Variants in SEMA5B observed in about 807,000 individuals in gnomAD.
SEMA5B encodes semaphorin-5B.
A neutral mutation model predicts 135.0 loss-of-function variants in SEMA5B; 66 were observed. The observed-to-expected ratio is 0.49, with a 90% CI of 0.40 to 0.60. SEMA5B has a LOEUF of 0.60. Among genes scored for constraint, SEMA5B ranks in the 20% least tolerant of loss-of-function variants. SEMA5B has a pLI of 0.00. For synonymous variants in SEMA5B, 690 were observed against 639.5 expected (o/e 1.08, Z -1.19); for missense variants, 1,501 against 1,566.3 (o/e 0.96, Z 0.70).
chr3:122,910,269 G>C lies in SEMA5B; in HGVS notation c.3330C>G (p.Asp1110Glu), dbSNP rs772175495. ...GCTGCAATGGGTAGAAGTTGGCTCT[G>C]TCATCAGGGATCAAGTTATTCTTGT... is the stretch of plus-strand genomic sequence containing the variant. ...TLNKNNLIPD[D>E]RANFYPLQQT... is the part of the protein sequence containing the mutation. The change falls in exon 23 of 23, where the codon GAC (aspartate) becomes GAG (glutamate). Residue 1110 changes from aspartate (D) to glutamate (E), a missense_variant. Asp to Glu is a conservative substitution (Grantham distance 45). Around this residue, in one of 2 missense-constraint regions of SEMA5B, gnomAD observed 927 missense variants for 881.6 expected, o/e 1.05. Coordinates refer to ENST00000357599, the MANE Select transcript of SEMA5B (RefSeq NM_001031702.4). The C allele has an allele frequency of 3.1e-6, 5 of 1,614,104 alleles. No homozygotes were observed. The African/African-American group carries it at 6.7e-5, about 22-fold the overall frequency.
chr3:122,928,298 T>C (rs912435358), intron 7 of SEMA5B, among the ~76,000 whole-genome samples: 4 of 152,178 alleles, frequency 2.6e-5, no homozygotes, highest in African/African-American at 9.7e-5. Flanking sequence ...AGGGAGTAAA[T>C]TTTTAGTATA....
intron 2 of SEMA5B, among the ~76,000 whole-genome samples, chr3:122,956,711 T>A (rs1239227045): frequency 2.0e-5 from 3 of 151,496 alleles, no homozygotes; most frequent in Non-Finnish European, 2.9e-5. Context: ...CACCCCGGGG[T>A]GGGTAGCAGC....
rs1031854863 is a variant in SEMA5B, at chr3:122,943,034, C to T, written c.428+402G>A. 5.3e-5 allele frequency among the ~76,000 whole-genome samples: 8 copies of T among 152,196 alleles called. No individual in the cohort carries two copies. In the East Asian group the frequency reaches 9.6e-4, roughly 18 times the overall value. On this transcript the variant is annotated intron_variant, in intron 4 of 22. Coordinates refer to ENST00000357599, the MANE Select transcript of SEMA5B (RefSeq NM_001031702.4). ...GGGAAAGGTTCTACCCCTACCCAGC[C>T]GTCCCAGGTGCAGGCCGCCGGCTGG...
intron 5 of SEMA5B, among the ~76,000 whole-genome samples, chr3:122,933,618 A>T (rs971163783): frequency 6.6e-6 from 1 of 152,028 alleles, no homozygotes; most frequent in African/African-American, 2.4e-5. Context: ...ACGTTAGTTC[A>T]TCCTTAATTT....
intron 1 of SEMA5B, among the ~76,000 whole-genome samples, chr3:123,012,058 G>T (rs1346500584): frequency 6.6e-6 from 1 of 152,166 alleles, no homozygotes. Flanking sequence ...GCACACTTTG[G>T]CTTCGCCGTG....
rs749040476 is a variant in SEMA5B, at chr3:122,911,505, G to T, written c.3077C>A (p.Ala1026Asp). The part of the protein sequence containing the change: ...VILPASSMEE[A>D]TDCAGFNLIH... ...GTTTCTTTTACCTGCACAGTCGGTG[G>T]CCTCCTCCATGCTGGAGGCTGGCAG... is the stretch of plus-strand genomic sequence containing the variant. Residue 1026 changes from alanine (A) to aspartate (D), a missense_variant, in exon 21 of 23, where the codon GCC becomes GAC. Physicochemically the swap from Ala to Asp is moderately radical, Grantham distance 126 (BLOSUM62 -2). Around this residue, in one of 2 missense-constraint regions of SEMA5B, gnomAD observed 927 missense variants for 881.6 expected, o/e 1.05. Transcript: ENST00000357599. 2.2e-5 allele frequency: 36 copies of T among 1,610,062 alleles called. No individual in the cohort carries two copies. The highest frequency in any genetic ancestry group is 3.0e-5 in the Non-Finnish European group (35 of 1,178,870).
intron 1 of SEMA5B, chr3:123,027,246 A>AC (rs1167076713): frequency 6.6e-6 from 1 of 152,258 alleles, no homozygotes; most frequent in Admixed American, 6.5e-5. Flanking sequence ...GGCGGCGGGA[A>AC]CGCAGCAGCG....
chr3:122,975,546 G>C (rs1247481905), intron 1 of SEMA5B, among the ~76,000 whole-genome samples: 1 of 152,168 alleles, frequency 6.6e-6, no homozygotes, highest in Non-Finnish European at 1.5e-5. Flanking sequence ...TCTCTCAACC[G>C]TAAAACCACA....
In SEMA5B at chr3:122,943,418, C is replaced by A; in HGVS notation, c.428+18G>T. 1 of 1,558,724 alleles carries A rather than the reference C, an allele frequency of 6.4e-7. No individual in the cohort carries two copies. Among genetic ancestry groups the A allele is most frequent in the East Asian group, 2.3e-5 (1 of 43,938 alleles). ...AAGCCCCTGCACTTCCCACCCCGAC[C>A]CTTCTGCCCCTTGTTACCTGGCTCC... On this transcript the variant is annotated intron_variant, in intron 4 of 22. Transcript: ENST00000357599.
At chr3:122,919,930 C>T (rs562244157) in intron 12 of SEMA5B, among the ~76,000 whole-genome samples, 3 of 152,186 alleles carry the variant, frequency 2.0e-5, no homozygotes, top group African/African-American at 7.2e-5. Flanking sequence ...CCCCTCTCTG[C>T]AGAATGTGAG....
At chr3:122,916,899 T>C (rs1938101296) in intron 12 of SEMA5B, among the ~76,000 whole-genome samples, 3 of 152,202 alleles carry the variant, frequency 2.0e-5, no homozygotes, top group Admixed American at 6.6e-5. Context: ...CCCAAAATGA[T>C]AACTGGTTCA....
intron 1 of SEMA5B, among the ~76,000 whole-genome samples, chr3:123,017,053 G>A (rs557004172): frequency 1.3e-5 from 2 of 151,934 alleles, no homozygotes; most frequent in East Asian, 1.9e-4. Flanking sequence ...CACCACGCCC[G>A]GCTAATTTTT....
At chr3:122,949,283 C>A (rs943412133) in intron 2 of SEMA5B, among the ~76,000 whole-genome samples, 4 of 152,148 alleles carry the variant, frequency 2.6e-5, no homozygotes, top group African/African-American at 9.7e-5. Context: ...TCCCCAAAAA[C>A]AACATCAATC....
Position 122,913,352 on chromosome 3 carries a change from C to T in SEMA5B, c.2353G>A (p.Val785Met), listed in dbSNP as rs760581669. The T allele has an allele frequency of 5.7e-6, 9 of 1,580,980 alleles. No homozygotes were observed. The Admixed American group carries it at 1.0e-4, about 18-fold the overall frequency. The change falls in exon 17 of 23, where the codon GTG becomes ATG. Residue 785 changes from valine (V) to methionine (M), a missense_variant. Around this residue, in one of 2 missense-constraint regions of SEMA5B, gnomAD observed 927 missense variants for 881.6 expected, o/e 1.05. Coordinates refer to ENST00000357599, the MANE Select transcript of SEMA5B (RefSeq NM_001031702.4). ...RNTPWTPWLP[V>M]NVTQGGARQE... ...CGTGCCCCGCCCTGCGTCACGTTCA[C>T]GGGCAGCCACGGCGTCCAGGGGGTG...
intron 1 of SEMA5B, among the ~76,000 whole-genome samples, chr3:122,978,785 A>G (rs891791667): frequency 6.6e-6 from 1 of 152,190 alleles, no homozygotes; most frequent in Admixed American, 6.6e-5. Flanking sequence ...CAATAAATGC[A>G]TGTTCAGCTC....
chr3:122,938,012 C>T (rs150677652), intron 5 of SEMA5B, among the ~76,000 whole-genome samples: 1 of 152,358 alleles, frequency 6.6e-6, no homozygotes, highest in Non-Finnish European at 1.5e-5. Context: ...TCTGGACTGG[C>T]TGCCTGTGAC....
At chr3:123,027,074 CT>C (rs1215101337) in intron 1 of SEMA5B, 1 of 152,718 alleles carries the variant, frequency 6.5e-6, no homozygotes, top group African/African-American at 2.4e-5. Flanking sequence ...CTAGCCGGCC[CT>C]CTCTGAGCCT....
At chr3:123,008,907 C>T (rs999279622) in intron 1 of SEMA5B, among the ~76,000 whole-genome samples, 14 of 152,066 alleles carry the variant, frequency 9.2e-5, no homozygotes, top group Non-Finnish European at 2.1e-4. Context: ...TGCAGCTGCC[C>T]AGGGCTGGGT....
At chr3:122,957,312 T>G (rs751733631) in intron 2 of SEMA5B, among the ~76,000 whole-genome samples, 1 of 152,220 alleles carries the variant, frequency 6.6e-6, no homozygotes, top group African/African-American at 2.4e-5. Flanking sequence ...GCACCCAGAA[T>G]GCAGCTGGAT....
Sources: allele counts gnomAD v4.1 joint callset (sites outside exome capture counted in the v4.1 genomes callset), GRCh38; gene constraint gnomAD v4.1.1; regional missense constraint gnomAD v4.1.1; transcripts MANE v1.5; gene names NCBI Gene and HGNC (gene_info 2026-07-23, HGNC 2026-07-21).